The following ADGRB3 variants were observed in gnomAD, a reference collection of about 807,000 sequenced individuals.
ADGRB3 encodes adhesion G protein-coupled receptor B3.
A neutral mutation model predicts 193.4 loss-of-function variants in ADGRB3; 37 were observed. That is an observed-to-expected ratio of 0.19 (90% CI 0.15 to 0.25). The LOEUF is 0.25. Among genes scored for constraint, ADGRB3 ranks in the 10% least tolerant of loss-of-function variants. The pLI is 1.00. For synonymous variants in ADGRB3, 690 were observed against 644.2 expected (o/e 1.07, Z -1.08); for missense variants, 1,637 against 1,852.9 (o/e 0.88, Z 2.14).
chr6:69,311,461 T>C (rs1209355486), intron 20 of ADGRB3, among the ~76,000 whole-genome samples: 1 of 151,772 alleles, frequency 6.6e-6, no homozygotes, highest in East Asian at 1.9e-4. Flanking sequence ...TAACAGAGGC[T>C]TCAATGCTTC....
chr6:68,751,308 T>C (rs1766194052), intron 3 of ADGRB3, among the ~76,000 whole-genome samples: 1 of 152,148 alleles, frequency 6.6e-6, no homozygotes, highest in South Asian at 2.1e-4. Context: ...GTAAGAATAT[T>C]CTTAACCAGG....
At chr6:68,726,757 TTA>T (rs1765681690) in intron 3 of ADGRB3, among the ~76,000 whole-genome samples, 1 of 151,644 alleles carries the variant, frequency 6.6e-6, no homozygotes, top group South Asian at 2.1e-4. Context: ...TTGCTGTATT[TTA>T]TGTTTGTTAA....
chr6:69,322,914 A>G (rs1768491641), intron 20 of ADGRB3, among the ~76,000 whole-genome samples: 1 of 151,958 alleles, frequency 6.6e-6, no homozygotes, highest in Non-Finnish European at 1.5e-5. Flanking sequence ...ACATTTCCCC[A>G]TAGTCTGTGA....
intron 3 of ADGRB3, among the ~76,000 whole-genome samples, chr6:68,791,871 A>G (rs1311569479): frequency 1.3e-5 from 2 of 152,182 alleles, no homozygotes; most frequent in Non-Finnish European, 1.5e-5. Context: ...TAATGGTTGT[A>G]GGCAAATCTA....
chr6:69,345,086 T>A (rs141230755), intron 26 of ADGRB3, among the ~76,000 whole-genome samples: 1 of 152,258 alleles, frequency 6.6e-6, no homozygotes, highest in Non-Finnish European at 1.5e-5. Context: ...TAAGTGATGT[T>A]TTGTGCTTTC....
intron 17 of ADGRB3, among the ~76,000 whole-genome samples, chr6:69,076,999 C>A (rs1176401380): frequency 1.3e-5 from 2 of 151,918 alleles, no homozygotes; most frequent in Non-Finnish European, 2.9e-5. Flanking sequence ...AAACCTCGGA[C>A]AATTTTCTCA....
chr6:69,349,188 T>C (rs937006195), intron 26 of ADGRB3, among the ~76,000 whole-genome samples: 6 of 152,222 alleles, frequency 3.9e-5, no homozygotes, highest in Non-Finnish European at 7.3e-5. Context: ...GTATGACACA[T>C]AATGTCCCTT....
At chr6:68,873,342 T>C (rs1765510447) in intron 3 of ADGRB3, among the ~76,000 whole-genome samples, 1 of 152,290 alleles carries the variant, frequency 6.6e-6, no homozygotes, top group Admixed American at 6.5e-5. Flanking sequence ...GTTTGGCTAC[T>C]TCCTGTGAGA....
intron 16 of ADGRB3, among the ~76,000 whole-genome samples, chr6:69,065,757 A>G (rs1771881372): frequency 1.7e-5 from 2 of 114,718 alleles, no homozygotes; most frequent in African/African-American, 3.8e-5. Context: ...AACTTCATGT[A>G]TATATATACA....
intron 17 of ADGRB3, among the ~76,000 whole-genome samples, chr6:69,145,781 T>C (rs1228962739): frequency 6.6e-6 from 1 of 151,836 alleles, no homozygotes; most frequent in Non-Finnish European, 1.5e-5. Flanking sequence ...AGCTCCTCTC[T>C]GCAGCTGGTC....
intron 3 of ADGRB3, among the ~76,000 whole-genome samples, chr6:68,807,274 C>T (rs1272676041): frequency 2.6e-5 from 3 of 113,902 alleles, no homozygotes; most frequent in Admixed American, 2.7e-4. Context: ...GTCTCGCTAT[C>T]GCCCAGGTTG....
At chr6:68,714,252 T>G (rs561800503) in intron 3 of ADGRB3, among the ~76,000 whole-genome samples, 1 of 152,026 alleles carries the variant, frequency 6.6e-6, no homozygotes, top group South Asian at 2.1e-4. Context: ...TTTTAAAAAC[T>G]TGTTGAGCTT....
chr6:68,976,627 A>G (rs1312058217), intron 10 of ADGRB3, among the ~76,000 whole-genome samples: 1 of 152,212 alleles, frequency 6.6e-6, no homozygotes, highest in Non-Finnish European at 1.5e-5. Context: ...TTTACAATAA[A>G]GTAAGCTAGA....
At chr6:68,924,140 T>C (rs1172973975) in intron 3 of ADGRB3, among the ~76,000 whole-genome samples, 4 of 152,052 alleles carry the variant, frequency 2.6e-5, no homozygotes, top group Admixed American at 2.6e-4. Context: ...AAGCAAACTA[T>C]TACTGCTGAT....
At chr6:69,259,796 A>G (rs1286556824) in intron 20 of ADGRB3, among the ~76,000 whole-genome samples, 2 of 152,032 alleles carry the variant, frequency 1.3e-5, no homozygotes, top group African/African-American at 4.8e-5. Context: ...TTCAACAAAT[A>G]TGTAAAATAT....
intron 20 of ADGRB3, among the ~76,000 whole-genome samples, chr6:69,273,046 C>T (rs1767214948): frequency 6.6e-6 from 1 of 151,990 alleles, no homozygotes; most frequent in South Asian, 2.1e-4. Context: ...GACCACAAGC[C>T]CGTGCCACCA....
intron 20 of ADGRB3, among the ~76,000 whole-genome samples, chr6:69,283,678 A>G (rs1235849685): frequency 2.0e-5 from 3 of 152,096 alleles, no homozygotes; most frequent in African/African-American, 7.2e-5. Flanking sequence ...CTATGATTAC[A>G]AAGAGTCATA....
chr6:69,324,186 C>G (rs1323750645), intron 20 of ADGRB3, among the ~76,000 whole-genome samples: 1 of 152,050 alleles, frequency 6.6e-6, no homozygotes, highest in Non-Finnish European at 1.5e-5. Flanking sequence ...AGAAAAATAT[C>G]TATAAAATCT....
intron 17 of ADGRB3, among the ~76,000 whole-genome samples, chr6:69,162,414 G>T (rs1367347070): frequency 6.6e-6 from 1 of 152,020 alleles, no homozygotes; most frequent in Non-Finnish European, 1.5e-5. Flanking sequence ...GTATGATATT[G>T]CCCCTTTGTT....
Sources: allele counts gnomAD v4.1 joint callset (sites outside exome capture counted in the v4.1 genomes callset), GRCh38; gene constraint gnomAD v4.1.1; transcripts MANE v1.5; gene names NCBI Gene and HGNC (gene_info 2026-07-23, HGNC 2026-07-21).